The following DTNBP1 variants were observed in gnomAD, a reference collection of about 807,000 sequenced individuals.
The protein encoded by DTNBP1 is dystrobrevin binding protein 1.
In DTNBP1, 35 loss-of-function variants were observed where a neutral mutation model predicts 42.8. That is an observed-to-expected ratio of 0.82 (90% CI 0.63 to 1.09). DTNBP1 has a LOEUF of 1.09. Ranked by LOEUF, DTNBP1 falls within the 50% of genes least tolerant of loss-of-function variation. The pLI, the probability that DTNBP1 is intolerant of heterozygous loss-of-function variation, is 0.00. For synonymous variants in DTNBP1, 171 were observed against 162.2 expected, an observed-to-expected ratio of 1.05 and a Z score of -0.41; for missense variants, 457 against 424.2, an observed-to-expected ratio of 1.08 and a Z score of -0.68.
intron 7 of DTNBP1, among the ~76,000 whole-genome samples, chr6:15,548,132 T>C (rs1274848944): frequency 2.6e-5 from 4 of 152,182 alleles, no homozygotes; most frequent in Non-Finnish European, 5.9e-5. Flanking sequence ...TATTCAAAGA[T>C]TTAAGAGATT....
At chr6:15,576,059 T>C (rs912101039) in intron 7 of DTNBP1, among the ~76,000 whole-genome samples, 7 of 152,186 alleles carry the variant, frequency 4.6e-5, no homozygotes, top group African/African-American at 1.2e-4. Context: ...TAAGATATTA[T>C]AGGCGAGACC....
At chr6:15,595,889 A>G (rs1776497802) in intron 6 of DTNBP1, among the ~76,000 whole-genome samples, 1 of 152,204 alleles carries the variant, frequency 6.6e-6, no homozygotes, top group African/African-American at 2.4e-5. Flanking sequence ...AAAGGTAGAG[A>G]GTTCTCAGTG....
intron 6 of DTNBP1, among the ~76,000 whole-genome samples, chr6:15,599,508 C>G (rs1047481399): frequency 6.6e-6 from 1 of 152,182 alleles, no homozygotes; most frequent in South Asian, 2.1e-4. Context: ...TTAAGTAGAT[C>G]ACTAAATCTA....
chr6:15,581,277 T>G (rs1775819729), intron 7 of DTNBP1, among the ~76,000 whole-genome samples: 2 of 152,116 alleles, frequency 1.3e-5, no homozygotes, highest in Admixed American at 1.3e-4. Flanking sequence ...CCACCCAGGT[T>G]CAAGCAATTC....
intron 6 of DTNBP1, chr6:15,595,324 G>A: frequency 2.5e-6 from 1 of 396,602 alleles, no homozygotes; most frequent in Non-Finnish European, 4.8e-6. Flanking sequence ...GAGTGCAGCG[G>A]TGTGATCTTG....
intron 8 of DTNBP1, 113 bp downstream of exon 8, chr6:15,533,122 TCATAA>T: frequency 4.0e-6 from 6 of 1,511,316 alleles, no homozygotes; most frequent in Middle Eastern, 2.3e-4. Context: ...TGCTGGGGTC[TCATAA>T]CAGAACGGAA....
chr6:15,607,107 T>C (rs1758108750), intron 6 of DTNBP1, among the ~76,000 whole-genome samples: 1 of 147,540 alleles, frequency 6.8e-6, no homozygotes, highest in South Asian at 2.2e-4. Context: ...CGGTCCTGGG[T>C]TCAAGCAATT....
intron 5 of DTNBP1, among the ~76,000 whole-genome samples, chr6:15,624,888 A>G (rs1698862174): frequency 6.6e-6 from 1 of 152,216 alleles, no homozygotes; most frequent in Non-Finnish European, 1.5e-5. Flanking sequence ...TGATACATAA[A>G]TGCATCAAAA....
chr6:15,522,977 A>G lies in DTNBP1; in HGVS notation c.1054T>C (p.Ter352GlnextTer29), dbSNP rs753216206. The G allele has an allele frequency of 1.2e-6, 2 of 1,614,180 alleles. No homozygotes were observed. Among genetic ancestry groups the G allele is most frequent in the East Asian group, 2.2e-5 (1 of 44,874 alleles). The change falls in exon 10 of 10, where the codon TAA becomes CAA. Residue 352 changes from the stop codon to glutamine (Q), a stop_lost. Coordinates refer to ENST00000344537, the MANE Select transcript of DTNBP1 (RefSeq NM_032122.5). ...TPDGGEDSDS[*>Q] Reference sequence around the variant, plus strand: ...CCAGACAACGCCCATGTCCCAATTTAAGAGTCGCTGTCCTCACCACCATCC... The same window carrying G: ...CCAGACAACGCCCATGTCCCAATTTGAGAGTCGCTGTCCTCACCACCATCC...
intron 7 of DTNBP1, among the ~76,000 whole-genome samples, chr6:15,567,340 C>T (rs1775137703): frequency 6.6e-6 from 1 of 152,004 alleles, no homozygotes; most frequent in East Asian, 1.9e-4. Flanking sequence ...ATAGCCCCAG[C>T]TACTCAGGAG....
chr6:15,530,005 C>A (rs1396481482), intron 8 of DTNBP1, among the ~76,000 whole-genome samples: 2 of 152,278 alleles, frequency 1.3e-5, no homozygotes, highest in Non-Finnish European at 2.9e-5. Context: ...CAAGTGGGCA[C>A]ATATGTGCCT....
chr6:15,651,424 AGGT>A, intron 2 of DTNBP1, 61 bp from the exon 3 acceptor site: 1 of 1,548,698 alleles, frequency 6.5e-7, no homozygotes, highest in Non-Finnish European at 8.9e-7. Context: ...AAAAAAAAAA[AGGT>A]ACATACAAGA....
chr6:15,545,011 T>G (rs755869917), intron 7 of DTNBP1, among the ~76,000 whole-genome samples: 3 of 152,238 alleles, frequency 2.0e-5, no homozygotes, highest in Non-Finnish European at 4.4e-5. Flanking sequence ...AATATTTCCT[T>G]GCAGTTTTAA....
intron 5 of DTNBP1, among the ~76,000 whole-genome samples, chr6:15,626,992 A>G (rs182761319): frequency 6.6e-6 from 1 of 152,344 alleles, no homozygotes. Flanking sequence ...AAAAGCAACA[A>G]TTTCTGGAAT....
rs149042970 is a variant in DTNBP1 at position 15,541,699 on chromosome 6, C to T, written c.512-8304G>A. Reference sequence around the variant, plus strand: ...TAGTTACCACTATCAATTTCAAATGCTTACTTACTCAAAACAACAAAAAAT... The same window carrying T: ...TAGTTACCACTATCAATTTCAAATGTTTACTTACTCAAAACAACAAAAAAT... On this transcript the variant is annotated intron_variant, in intron 7 of 9. Coordinates refer to ENST00000344537, the MANE Select transcript of DTNBP1 (RefSeq NM_032122.5). Among the ~76,000 whole-genome samples the T allele has an allele frequency of 2.2e-3, 339 of 152,146 alleles. 1 individual carries two copies. The highest frequency in any genetic ancestry group is 7.7e-3 in the African/African-American group (318 of 41,502).
intron 8 of DTNBP1, among the ~76,000 whole-genome samples, chr6:15,532,857 G>A (rs1200671174): frequency 1.3e-5 from 2 of 151,580 alleles, no homozygotes; most frequent in Admixed American, 1.3e-4. Context: ...GCGCCACCAC[G>A]GCCGGCTAAT....
chr6:15,565,188 G>A (rs1775014111), intron 7 of DTNBP1, among the ~76,000 whole-genome samples: 1 of 152,212 alleles, frequency 6.6e-6, no homozygotes, highest in Non-Finnish European at 1.5e-5. Flanking sequence ...AATAAGTGTA[G>A]GCAAGGATGA....
In DTNBP1 at chr6:15,529,465, T is replaced by C. The variant is rs548460054; in HGVS notation, c.667+3775A>G. Among the ~76,000 whole-genome samples the C allele has an allele frequency of 4.6e-5, 7 of 152,376 alleles. No homozygotes were observed. In the South Asian group the frequency reaches 1.2e-3, roughly 27 times the overall value. ...TCAAAATCATAGCACTTAGGTGCAC[T>C]GTTGCCTGTTAATTCTATCTTTTCT... On this transcript the variant is annotated intron_variant, in intron 8 of 9. Transcript: ENST00000344537.
intron 8 of DTNBP1, among the ~76,000 whole-genome samples, chr6:15,528,419 A>G (rs778163901): frequency 1.3e-5 from 2 of 152,122 alleles, no homozygotes; most frequent in Non-Finnish European, 2.9e-5. Context: ...GGGTCTCCAG[A>G]CATTGCCAAA....
Sources: allele counts gnomAD v4.1 joint callset (sites outside exome capture counted in the v4.1 genomes callset), GRCh38; gene constraint gnomAD v4.1.1; transcripts MANE v1.5; gene names NCBI Gene and HGNC (gene_info 2026-07-23, HGNC 2026-07-21).